The following CSMD1 variants were observed in gnomAD, a reference collection of about 807,000 sequenced individuals.
The protein encoded by CSMD1 is CUB and Sushi multiple domains 1, also known as CUB and sushi domain-containing protein 1.
Under a neutral mutation model 417.5 loss-of-function variants are expected in CSMD1, and 213 were observed. That is an observed-to-expected ratio of 0.51 (90% CI 0.46 to 0.57). CSMD1 has a LOEUF of 0.57. Among genes scored for constraint, CSMD1 ranks in the 20% least tolerant of loss-of-function variants. The pLI is 0.00. For missense variants in CSMD1, 6,923 were observed against 4,529.7 expected, an observed-to-expected ratio of 1.53 and a Z score of -15.17; for synonymous variants, 2,862 against 1,736.8, an observed-to-expected ratio of 1.65 and a Z score of -16.11.
At chr8:3,811,393 A>G (rs745757682) in intron 5 of CSMD1, among the ~76,000 whole-genome samples, 1 of 152,186 alleles carries the variant, frequency 6.6e-6, no homozygotes, top group Non-Finnish European at 1.5e-5. Context: ...GTTCTGATCT[A>G]TAGACCATGT....
intron 11 of CSMD1, among the ~76,000 whole-genome samples, chr8:3,487,719 T>C (rs963199180): frequency 6.6e-6 from 1 of 152,202 alleles, no homozygotes; most frequent in Non-Finnish European, 1.5e-5. Context: ...GGTCCCTTTT[T>C]AATGCTGAAA....
At chr8:3,266,787 A>C (rs981477160) in intron 26 of CSMD1, among the ~76,000 whole-genome samples, 8 of 82,234 alleles carry the variant, frequency 9.7e-5, no homozygotes, top group African/African-American at 3.4e-4. Context: ...AAAAAATCAA[A>C]AAAAAAAAAA....
At chr8:4,777,303 C>T (rs982544315) in intron 1 of CSMD1, among the ~76,000 whole-genome samples, 7 of 152,206 alleles carry the variant, frequency 4.6e-5, no homozygotes, top group South Asian at 2.1e-4. Context: ...AGTAGGTGGA[C>T]GAAACCAGAA....
rs1279880022 is a variant in CSMD1 at position 4,730,665 on chromosome 8, C to T, written c.86-93107G>A. Among the ~76,000 whole-genome samples the T allele has an allele frequency of 3.3e-5, 5 of 151,856 alleles. No individual in the cohort carries two copies. In the South Asian group the frequency reaches 6.2e-4, roughly 19 times the overall value. On this transcript the variant is annotated intron_variant, in intron 1 of 69. Transcript: ENST00000635120. The stretch of plus-strand genomic sequence containing the variant: ...CTGAGACAGGAGAATGGTGTGAACC[C>T]GGGAAGCGGAGCTTGCAGTGAGGAG...
chr8:4,278,322 C>T (rs538030755), intron 3 of CSMD1, among the ~76,000 whole-genome samples: 1 of 152,074 alleles, frequency 6.6e-6, no homozygotes, highest in Non-Finnish European at 1.5e-5. Flanking sequence ...TGCTGGTAAT[C>T]TACAAAATGG....
chr8:3,059,390 G>A (rs559072077), intron 49 of CSMD1, among the ~76,000 whole-genome samples: 1 of 151,910 alleles, frequency 6.6e-6, no homozygotes, highest in East Asian at 1.9e-4. Context: ...AACAACTCAT[G>A]CTTTTTAAGC....
chr8:4,219,247 A>G (rs919928477), intron 3 of CSMD1, among the ~76,000 whole-genome samples: 2 of 152,232 alleles, frequency 1.3e-5, no homozygotes, highest in African/African-American at 4.8e-5. Context: ...TCTGCTAAAT[A>G]TAGTTACCAC....
chr8:4,082,883 T>A (rs1009561522), intron 3 of CSMD1, among the ~76,000 whole-genome samples: 1 of 151,382 alleles, frequency 6.6e-6, no homozygotes, highest in Non-Finnish European at 1.5e-5. Context: ...TTTGTCCTTG[T>A]GATACTTTAC....
At chr8:3,536,061 C>T (rs768779826) in intron 10 of CSMD1, among the ~76,000 whole-genome samples, 35 of 152,146 alleles carry the variant, frequency 2.3e-4, no homozygotes, top group Non-Finnish European at 5.0e-4. Flanking sequence ...CAGGTCCTGG[C>T]CATACACAAG....
chr8:3,343,925 C>T (rs190758449), intron 22 of CSMD1, among the ~76,000 whole-genome samples: 11 of 152,194 alleles, frequency 7.2e-5, no homozygotes, highest in Admixed American at 1.3e-4. Flanking sequence ...CAAGATGTGC[C>T]GGAATCTTGT....
chr8:3,089,207 A>G (rs77438341), intron 48 of CSMD1, among the ~76,000 whole-genome samples: 2,159 of 152,346 alleles, frequency 0.014, 58 homozygotes, highest in African/African-American at 0.048. Context: ...CAGCCTCGGA[A>G]AAGCTGGGAT....
intron 3 of CSMD1, among the ~76,000 whole-genome samples, chr8:4,227,183 G>C (rs1184462243): frequency 6.6e-6 from 1 of 152,098 alleles, no homozygotes; most frequent in African/African-American, 2.4e-5. Context: ...CCTCATGGTT[G>C]CTGAGGGACG....
intron 12 of CSMD1, among the ~76,000 whole-genome samples, chr8:3,448,361 A>AG (rs1815454115): frequency 9.6e-6 from 1 of 103,860 alleles, no homozygotes; most frequent in Non-Finnish European, 2.0e-5. Flanking sequence ...GGAAGAAGGA[A>AG]GAAGGGAGGA....
intron 3 of CSMD1, among the ~76,000 whole-genome samples, chr8:4,162,581 G>T (rs1797235452): frequency 1.3e-5 from 2 of 151,946 alleles, no homozygotes; most frequent in African/African-American, 4.8e-5. Flanking sequence ...TTTAAATATA[G>T]ATTTTATATT....
intron 1 of CSMD1, among the ~76,000 whole-genome samples, chr8:4,776,021 T>G (rs1300985614): frequency 1.3e-5 from 2 of 151,976 alleles, no homozygotes; most frequent in African/African-American, 4.8e-5. Flanking sequence ...ATCCAGGACT[T>G]GAGGGCAGTT....
intron 3 of CSMD1, among the ~76,000 whole-genome samples, chr8:4,126,367 C>G (rs1802765034): frequency 6.6e-6 from 1 of 152,224 alleles, no homozygotes; most frequent in Non-Finnish European, 1.5e-5. Context: ...AGACCTGTCT[C>G]AGCTATTCAG....
At chr8:3,476,946 G>C (rs944951040) in intron 11 of CSMD1, among the ~76,000 whole-genome samples, 4 of 150,756 alleles carry the variant, frequency 2.7e-5, no homozygotes, top group Non-Finnish European at 5.9e-5. Context: ...GAATCAGTAA[G>C]TAGTTCAGGG....
At position 3,108,557 on chromosome 8, in the gene CSMD1, C is replaced by G. The variant is rs1370017049; in HGVS notation, c.6754+46G>C. 1.9e-6 allele frequency: 3 copies of G among 1,599,306 alleles called. No homozygotes were observed. In the East Asian group the frequency reaches 6.7e-5, roughly 36 times the overall value. On this transcript the variant is annotated intron_variant, in intron 44 of 69. Transcript: ENST00000635120. ...CGTGGGACAACACTGCAGGAAACAC[C>G]ACATGGAATTCTCAGTCTTAACTAA...
chr8:3,742,637 C>A (rs1013592620), intron 6 of CSMD1, among the ~76,000 whole-genome samples: 1 of 152,082 alleles, frequency 6.6e-6, no homozygotes. Flanking sequence ...TCCTTCTGCT[C>A]GTCCTGAAGG....
Sources: allele counts gnomAD v4.1 joint callset (sites outside exome capture counted in the v4.1 genomes callset), GRCh38; gene constraint gnomAD v4.1.1; transcripts MANE v1.5; gene names NCBI Gene and HGNC (gene_info 2026-07-23, HGNC 2026-07-21).